Variants in GALNT13 observed in about 807,000 individuals in gnomAD.
GALNT13 encodes the protein polypeptide N-acetylgalactosaminyltransferase 13.
Under a neutral mutation model 64.2 loss-of-function variants are expected in GALNT13, and 28 were observed. That is an observed-to-expected ratio of 0.44 (90% CI 0.32 to 0.60). GALNT13 has a LOEUF of 0.60. GALNT13 is among the 20% of genes least tolerant of loss of function. GALNT13 has a pLI of 0.05. For synonymous variants in GALNT13, 214 were observed against 224.6 expected (o/e 0.95, Z 0.42); for missense variants, 577 against 669.8 (o/e 0.86, Z 1.53).
chr2:154,327,288 T>A, intron 9 of GALNT13, among the ~76,000 whole-genome samples: 1 of 152,106 alleles, frequency 6.6e-6, no homozygotes, highest in East Asian at 1.9e-4. Flanking sequence ...AATGCTGAAC[T>A]GTGAGTCAAC....
intron 9 of GALNT13, among the ~76,000 whole-genome samples, chr2:154,309,813 G>A (rs1481475349): frequency 6.6e-6 from 1 of 152,120 alleles, no homozygotes; most frequent in Non-Finnish European, 1.5e-5. Context: ...GAGCGCTGCT[G>A]GAGGACCTTC....
chr2:153,695,871 G>T, the GALNT13 span, among the ~76,000 whole-genome samples: 1 of 151,988 alleles, frequency 6.6e-6, no homozygotes, highest in African/African-American at 2.4e-5. Context: ...TGTTTTGCAA[G>T]GATAATGGAG....
intron 3 of GALNT13, among the ~76,000 whole-genome samples, chr2:153,964,639 C>T (rs867331347): frequency 1.3e-5 from 2 of 151,650 alleles, no homozygotes; most frequent in Admixed American, 6.6e-5. Flanking sequence ...TGAATCTTCT[C>T]TAGATATTTC....
chr2:153,942,376 G>GTACT (rs1356268075), intron 2 of GALNT13, among the ~76,000 whole-genome samples: 1 of 151,974 alleles, frequency 6.6e-6, no homozygotes, highest in Admixed American at 6.6e-5. Context: ...AATGTTATAG[G>GTACT]TACTTCTCCA....
At chr2:153,968,957 TC>T (rs1195963415) in intron 3 of GALNT13, among the ~76,000 whole-genome samples, 1 of 65,222 alleles carries the variant, frequency 1.5e-5, no homozygotes, top group African/African-American at 6.2e-5. Context: ...TTTGAGTTTT[TC>T]TTTTTTTAGT....
rs139292579 is a variant in GALNT13, at chr2:154,037,792, A to G, written c.142+93153A>G. Among the ~76,000 whole-genome samples the G allele has an allele frequency of 2.6e-3, 394 of 152,306 alleles. 4 individuals are homozygous for G. Among genetic ancestry groups the G allele is most frequent in the Admixed American group, 5.4e-3 (82 of 15,278 alleles). On this transcript the variant is annotated intron_variant, in intron 3 of 12. Coordinates refer to ENST00000392825, the MANE Select transcript of GALNT13 (RefSeq NM_052917.4). ...CAAAAAATTACATACCTAAGATTACATTTTACCAAGGAGGTGAAAGATCTC... is the reference window on the plus strand; with the variant it reads ...CAAAAAATTACATACCTAAGATTACGTTTTACCAAGGAGGTGAAAGATCTC...
intron 3 of GALNT13, among the ~76,000 whole-genome samples, chr2:154,027,683 G>A (rs1242034120): frequency 6.6e-6 from 1 of 151,982 alleles, no homozygotes; most frequent in African/African-American, 2.4e-5. Flanking sequence ...CATTCCTAGA[G>A]TTAAGAAAAG....
At chr2:154,322,765 G>T (rs1286502967) in intron 9 of GALNT13, among the ~76,000 whole-genome samples, 2 of 151,994 alleles carry the variant, frequency 1.3e-5, no homozygotes, top group Non-Finnish European at 2.9e-5. Flanking sequence ...GGATTCTGTG[G>T]GTAAGGAGCT....
the GALNT13 span, among the ~76,000 whole-genome samples, chr2:153,607,893 T>C: frequency 7.2e-5 from 11 of 152,196 alleles, no homozygotes; most frequent in Non-Finnish European, 1.3e-4. Flanking sequence ...TAATTTTTCA[T>C]CTAGCCACAC....
the GALNT13 span, among the ~76,000 whole-genome samples, chr2:153,712,817 C>T: frequency 6.6e-6 from 1 of 152,312 alleles, no homozygotes; most frequent in African/African-American, 2.4e-5. Flanking sequence ...TATCTAACCA[C>T]TGAAGCTGAC....
the GALNT13 span, among the ~76,000 whole-genome samples, chr2:153,408,612 C>G: frequency 6.6e-6 from 1 of 152,092 alleles, no homozygotes; most frequent in Non-Finnish European, 1.5e-5. Context: ...TCGCAGAGCT[C>G]AGAGCCCACA....
intron 3 of GALNT13, among the ~76,000 whole-genome samples, chr2:154,004,101 T>G (rs1696092850): frequency 6.6e-6 from 1 of 152,154 alleles, no homozygotes; most frequent in Non-Finnish European, 1.5e-5. Flanking sequence ...AGACTAATTC[T>G]AATTATAGAC....
chr2:153,200,275 T>A, the GALNT13 span, among the ~76,000 whole-genome samples: 3 of 152,320 alleles, frequency 2.0e-5, no homozygotes, highest in South Asian at 2.1e-4. Flanking sequence ...CAAAGCAACA[T>A]CTTAAACAGG....
At chr2:153,543,508 A>G in the GALNT13 span, among the ~76,000 whole-genome samples, 1 of 152,344 alleles carries the variant, frequency 6.6e-6, no homozygotes, top group East Asian at 1.9e-4. Flanking sequence ...ATAATTATAC[A>G]TAAGAACACA....
intron 9 of GALNT13, among the ~76,000 whole-genome samples, chr2:154,367,876 A>G (rs942533662): frequency 6.6e-6 from 1 of 152,228 alleles, no homozygotes; most frequent in Non-Finnish European, 1.5e-5. Flanking sequence ...GGATGAAAAC[A>G]TTTATCATGG....
chr2:154,280,755 C>T (rs527303478), intron 8 of GALNT13, among the ~76,000 whole-genome samples: 74 of 152,260 alleles, frequency 4.9e-4, no homozygotes, highest in African/African-American at 3.6e-4. Context: ...GGCAGCGTCA[C>T]GCAGCTGTCA....
At chr2:154,044,046 T>A (rs1001019703) in intron 3 of GALNT13, among the ~76,000 whole-genome samples, 1 of 151,944 alleles carries the variant, frequency 6.6e-6, no homozygotes, top group Non-Finnish European at 1.5e-5. Context: ...CACTCCAGCC[T>A]GGGTGACAGA....
chr2:154,455,643 AACTGCTACTAAAT>A (rs1210328774), downstream of GALNT13, among the ~76,000 whole-genome samples: 2 of 152,170 alleles, frequency 1.3e-5, no homozygotes, highest in Non-Finnish European at 2.9e-5. Flanking sequence ...ACCATGTTCG[AACTGCTACTAAAT>A]ATCAGCTATT....
chr2:154,393,217 T>C (rs1698877981), intron 9 of GALNT13, among the ~76,000 whole-genome samples: 1 of 152,174 alleles, frequency 6.6e-6, no homozygotes, highest in African/African-American at 2.4e-5. Context: ...ACCATGGATC[T>C]GAATAATCTA....
Sources: allele counts gnomAD v4.1 joint callset (sites outside exome capture counted in the v4.1 genomes callset), GRCh38; gene constraint gnomAD v4.1.1; transcripts MANE v1.5; gene names NCBI Gene and HGNC (gene_info 2026-07-23, HGNC 2026-07-21).